The following HECW2 variants were observed in gnomAD, a reference collection of about 807,000 sequenced individuals.
HECW2 encodes the protein E3 ubiquitin-protein ligase HECW2.
HECW2 carries 61 observed loss-of-function variants against 175.2 expected under a neutral mutation model. The observed-to-expected ratio is 0.35, with a 90% CI of 0.28 to 0.43. The LOEUF is 0.43. Ranked by LOEUF, HECW2 falls within the 20% of genes least tolerant of loss-of-function variation. The pLI is 1.00. For synonymous variants in HECW2, 671 were observed against 731.0 expected, an observed-to-expected ratio of 0.92 and a Z score of 1.32; for missense variants, 1,524 against 2,000.5, an observed-to-expected ratio of 0.76 and a Z score of 4.54.
At chr2:196,497,184 T>G (rs1325315963) in intron 1 of HECW2, among the ~76,000 whole-genome samples, 2 of 152,220 alleles carry the variant, frequency 1.3e-5, no homozygotes, top group African/African-American at 2.4e-5. Context: ...GCTAAAAATG[T>G]TTAGACCAAG....
At chr2:196,452,801 A>G (rs1317633292) in intron 1 of HECW2, among the ~76,000 whole-genome samples, 1 of 151,900 alleles carries the variant, frequency 6.6e-6, no homozygotes, top group East Asian at 1.9e-4. Flanking sequence ...CACTAAAAAA[A>G]AAAAAAAAAA....
At chr2:196,552,323 C>T (rs1689627486) in intron 1 of HECW2, among the ~76,000 whole-genome samples, 1 of 152,110 alleles carries the variant, frequency 6.6e-6, no homozygotes. Flanking sequence ...ACAAAGTGAC[C>T]CTTAGGCCCT....
intron 19 of HECW2, among the ~76,000 whole-genome samples, chr2:196,247,842 G>A (rs775513896): frequency 9.9e-5 from 15 of 152,150 alleles, no homozygotes; most frequent in South Asian, 2.1e-4. Flanking sequence ...CTGGTTCTCC[G>A]TATTGGACAG....
At chr2:196,202,073 T>C (rs1686878311) in intron 28 of HECW2, among the ~76,000 whole-genome samples, 2 of 152,338 alleles carry the variant, frequency 1.3e-5, no homozygotes, top group South Asian at 4.1e-4. Flanking sequence ...TGTTTTCCTG[T>C]TATTTGCATC....
chr2:196,547,761 C>G (rs1452058792), intron 1 of HECW2, among the ~76,000 whole-genome samples: 1 of 152,204 alleles, frequency 6.6e-6, no homozygotes, highest in African/African-American at 2.4e-5. Context: ...TCACCATCTC[C>G]CAGTCAGCAG....
chr2:196,539,040 A>G (rs1208265473), intron 1 of HECW2, among the ~76,000 whole-genome samples: 3 of 152,226 alleles, frequency 2.0e-5, no homozygotes, highest in Admixed American at 6.5e-5. Flanking sequence ...TTTAGTCCTA[A>G]AAGTAAGGAA....
intron 1 of HECW2, among the ~76,000 whole-genome samples, chr2:196,525,498 G>C (rs1366211030): frequency 1.4e-5 from 2 of 145,674 alleles, no homozygotes; most frequent in Admixed American, 1.4e-4. Flanking sequence ...ATATTGTTAT[G>C]TGTGAATTTG....
intron 1 of HECW2, among the ~76,000 whole-genome samples, chr2:196,490,202 C>T (rs1297426710): frequency 6.6e-6 from 1 of 152,212 alleles, no homozygotes; most frequent in Non-Finnish European, 1.5e-5. Flanking sequence ...TTTAACTACA[C>T]TTGATAAGCT....
At chr2:196,221,128 G>C (rs1044162286) in intron 24 of HECW2, among the ~76,000 whole-genome samples, 187 bp from the exon 25 acceptor site, 1 of 152,144 alleles carries the variant, frequency 6.6e-6, no homozygotes, top group Non-Finnish European at 1.5e-5. Flanking sequence ...AGGCATTGAG[G>C]GGGTGCTTGA....
chr2:196,547,743 T>G (rs986582894), intron 1 of HECW2, among the ~76,000 whole-genome samples: 2 of 152,186 alleles, frequency 1.3e-5, no homozygotes, highest in African/African-American at 4.8e-5. Flanking sequence ...AGGTGGCTGT[T>G]TGAAGTCTCA....
chr2:196,382,703 A>G (rs1694241452), intron 2 of HECW2, among the ~76,000 whole-genome samples: 2 of 151,534 alleles, frequency 1.3e-5, no homozygotes, highest in Admixed American at 6.6e-5. Flanking sequence ...TTCATTATTT[A>G]TAAATAACCT....
chr2:196,286,700 T>G (rs1690404128), intron 14 of HECW2, among the ~76,000 whole-genome samples: 1 of 152,164 alleles, frequency 6.6e-6, no homozygotes, highest in African/African-American at 2.4e-5. Flanking sequence ...TATAGTTTAA[T>G]TCCATCAACA....
chr2:196,240,497 T>G lies in HECW2; in HGVS notation c.3716A>C (p.Lys1239Thr). The G allele has an allele frequency of 6.2e-7, 1 of 1,612,902 alleles. No homozygotes were observed. The highest frequency in any genetic ancestry group is 8.5e-7 in the Non-Finnish European group (1 of 1,179,672). The change falls in exon 21 of 29, where the codon AAA (lysine) becomes ACA (threonine). Residue 1239 changes from lysine to threonine, a missense_variant. Transcript: ENST00000644978. ...AFNQIMGYSR[K>T]DLQRNKLYVT... ...ATATAGCTTATTTCTCTGCAGGTCT[T>G]TTCTGGAGTAGCCCATAATCTGATT...
At position 196,402,686 on chromosome 2, in the gene HECW2, C is replaced by T. The variant is rs778515763; in HGVS notation, c.292+30446G>A. ...ACTCAAAAAACAAACTGTAAGAGAACGAACAAAATTTCTATAGCTAACAAT... is the reference window on the plus strand; with the variant it reads ...ACTCAAAAAACAAACTGTAAGAGAATGAACAAAATTTCTATAGCTAACAAT... On this transcript the variant is annotated intron_variant, in intron 2 of 28. Transcript: ENST00000644978. Among the ~76,000 whole-genome samples, 9 of 151,476 alleles carry T rather than the reference C, an allele frequency of 5.9e-5. No individual in the cohort carries two copies. The South Asian group carries it at 1.5e-3, about 25-fold the overall frequency.
chr2:196,255,443 T>C (rs1689020711), intron 18 of HECW2, among the ~76,000 whole-genome samples: 1 of 152,212 alleles, frequency 6.6e-6, no homozygotes, highest in East Asian at 1.9e-4. Context: ...GATAGAGGTA[T>C]ATTTTTTACA....
intron 2 of HECW2, among the ~76,000 whole-genome samples, chr2:196,354,972 T>C (rs1178505102): frequency 6.6e-6 from 1 of 152,180 alleles, no homozygotes; most frequent in African/African-American, 2.4e-5. Flanking sequence ...TAAATTAAGA[T>C]TTTTTTCCCC....
At chr2:196,323,839 A>T (rs1261667025) in intron 6 of HECW2, among the ~76,000 whole-genome samples, 56 of 151,120 alleles carry the variant, frequency 3.7e-4, no homozygotes, top group Admixed American at 3.6e-3. Flanking sequence ...TCATATTGAG[A>T]TATATTTTTA....
At chr2:196,210,390 G>GT (rs1360292606) in intron 28 of HECW2, among the ~76,000 whole-genome samples, 1 of 151,676 alleles carries the variant, frequency 6.6e-6, no homozygotes, top group Non-Finnish European at 1.5e-5. Context: ...TTCAGAAATG[G>GT]TATCTCTCTA....
intron 2 of HECW2, among the ~76,000 whole-genome samples, chr2:196,379,681 T>G (rs1694151304): frequency 2.6e-5 from 1 of 38,784 alleles, no homozygotes; most frequent in Non-Finnish European, 5.2e-5. Flanking sequence ...CAATACTCCG[T>G]CTCAAAAAAA....
Sources: gnomAD v4.1 joint callset for allele counts (sites outside exome capture counted in the v4.1 genomes callset) on GRCh38, gnomAD v4.1.1 for gene constraint, MANE v1.5 for transcripts, NCBI Gene and HGNC (gene_info 2026-07-23, HGNC 2026-07-21) for gene names.